Variants in ABCB1 observed in about 807,000 individuals in gnomAD.
The protein encoded by ABCB1 is ATP binding cassette subfamily B member 1.
A neutral mutation model predicts 142.0 loss-of-function variants in ABCB1; 69 were observed. The observed-to-expected ratio is 0.49, with a 90% confidence interval of 0.40 to 0.59. The LOEUF (loss-of-function observed/expected upper bound fraction) is 0.59. Ranked by LOEUF, ABCB1 falls within the 20% of genes least tolerant of loss-of-function variation. The pLI is 0.00. For missense variants in ABCB1, 1,326 were observed against 1,554.7 expected (o/e 0.85, Z 2.47); for synonymous variants, 532 against 539.2 (o/e 0.99, Z 0.18).
chr7:87,622,408 A>T (rs912879896), intron 1 of ABCB1, among the ~76,000 whole-genome samples: 6 of 152,224 alleles, frequency 3.9e-5, no homozygotes, highest in Non-Finnish European at 7.3e-5. Context: ...GCAGAAAAAT[A>T]AAAAGAACAA....
In ABCB1 at chr7:87,560,043, C is replaced by T. The variant is rs138590669; in HGVS notation, c.827+1220G>A. The stretch of plus-strand genomic sequence containing the variant: ...CCTCATGATTCTCTTATTTTATTTC[C>T]CCAAATAATATTTACCCCAACTGGT... On this transcript the variant is annotated intron_variant, in intron 8 of 27. Transcript: ENST00000622132. Among the ~76,000 whole-genome samples the T allele has an allele frequency of 1.5e-3, 229 of 152,086 alleles. 1 individual carries two copies. Among genetic ancestry groups the T allele is most frequent in the East Asian group, 5.8e-3 (30 of 5,182 alleles).
chr7:87,565,635 T>A (rs1368860228), intron 7 of ABCB1, among the ~76,000 whole-genome samples: 2 of 149,092 alleles, frequency 1.3e-5, no homozygotes, highest in African/African-American at 5.1e-5. Context: ...CCAAAAACAT[T>A]AAAGTAAAAA....
chr7:87,551,572 A>C (rs1348342565), intron 9 of ABCB1, among the ~76,000 whole-genome samples: 1 of 152,166 alleles, frequency 6.6e-6, no homozygotes, highest in Non-Finnish European at 1.5e-5. Flanking sequence ...GCTCACTGCA[A>C]CTTCAACCTC....
intron 1 of ABCB1, among the ~76,000 whole-genome samples, chr7:87,623,701 T>C (rs1179274897): frequency 6.6e-6 from 1 of 152,204 alleles, no homozygotes; most frequent in Non-Finnish European, 1.5e-5. Flanking sequence ...ATGGACTTTT[T>C]TTTTTTAAAG....
At chr7:87,533,869 C>T (rs1816169280) in intron 20 of ABCB1, among the ~76,000 whole-genome samples, 1 of 152,170 alleles carries the variant, frequency 6.6e-6, no homozygotes, top group Non-Finnish European at 1.5e-5. Flanking sequence ...CTTCCCTGGT[C>T]TTTCCTTTTT....
chr7:87,688,140 A>T (rs1382377341), intron 1 of ABCB1, among the ~76,000 whole-genome samples: 1 of 152,158 alleles, frequency 6.6e-6, no homozygotes, highest in Non-Finnish European at 1.5e-5. Context: ...TAAGTTATGT[A>T]CTTGGAAATT....
At chr7:87,623,346 C>T (rs1820294366) in intron 1 of ABCB1, among the ~76,000 whole-genome samples, 1 of 152,186 alleles carries the variant, frequency 6.6e-6, no homozygotes, top group African/African-American at 2.4e-5. Context: ...TATTTGCCCT[C>T]CTCAAAGAAA....
At position 87,507,041 on chromosome 7, in the gene ABCB1, A is replaced by G. The variant is rs373052880; in HGVS notation, c.3490-998T>C. Among the ~76,000 whole-genome samples, 41 of 152,296 alleles carry G rather than the reference A, an allele frequency of 2.7e-4. No individual in the cohort carries two copies. The South Asian group carries it at 8.1e-3, about 30-fold the overall frequency. ...TAGTACTGATCCTGTTGAGGCAGAT[A>G]AAGGCAGTGCGGCAGTCTTACAAGG... On this transcript the variant is annotated intron_variant, in intron 26 of 27. Coordinates refer to ENST00000622132, the MANE Select transcript of ABCB1 (RefSeq NM_001348946.2).
At chr7:87,661,227 C>T (rs1022839157) in intron 1 of ABCB1, among the ~76,000 whole-genome samples, 1 of 151,736 alleles carries the variant, frequency 6.6e-6, no homozygotes, top group Non-Finnish European at 1.5e-5. Context: ...ATAAGGTATC[C>T]ATCACTTCAA....
At chr7:87,683,025 C>T (rs1028360154) in intron 1 of ABCB1, among the ~76,000 whole-genome samples, 14 of 152,208 alleles carry the variant, frequency 9.2e-5, no homozygotes, top group African/African-American at 3.4e-4. Flanking sequence ...ACTTCTCCAT[C>T]AGCACTTGCT....
intron 1 of ABCB1, among the ~76,000 whole-genome samples, chr7:87,681,790 C>T (rs1374242272): frequency 6.6e-6 from 1 of 152,164 alleles, no homozygotes; most frequent in East Asian, 1.9e-4. Flanking sequence ...GCAGGAGGAT[C>T]ACTTGAGTTC....
chr7:87,570,149 T>C (rs1288591560), intron 5 of ABCB1, 23 bp downstream of exon 5: 1 of 1,604,826 alleles, frequency 6.2e-7, no homozygotes, highest in East Asian at 2.2e-5. Flanking sequence ...AACTTAACAA[T>C]AGTAAGGAGA....
In ABCB1 at chr7:87,531,358, A is replaced by G. The variant is rs565619660; in HGVS notation, c.2621T>C (p.Val874Ala). 1 of 1,613,496 alleles carries G rather than the reference A, an allele frequency of 6.2e-7. No homozygotes were observed. The highest frequency in any genetic ancestry group is 1.3e-5 in the African/African-American group (1 of 74,998). Residue 874 changes from valine (V) to alanine (A), a missense_variant, in exon 21 of 28, where the codon GTT (valine) becomes GCT (alanine). Physicochemically the swap from Val to Ala is moderately conservative, Grantham distance 64. Transcript: ENST00000622132. ...TTGTCCAGACAACATTTTCATTTCA[A>G]CAACTCCTGCTATTGCAATGATGGG... is the stretch of plus-strand genomic sequence containing the variant. ...IVPIIAIAGV[V>A]EMKMLSGQAL...
chr7:87,532,946 A>C (rs1368807820), intron 20 of ABCB1, among the ~76,000 whole-genome samples: 1 of 152,156 alleles, frequency 6.6e-6, no homozygotes, highest in African/African-American at 2.4e-5. Flanking sequence ...TATAAACACC[A>C]GACTAGTATT....
In ABCB1 at chr7:87,531,306, T is replaced by C. The variant is rs1376045059; in HGVS notation, c.2673A>G (p.Glu891=). 1.9e-6 allele frequency: 3 copies of C among 1,612,852 alleles called. No individual in the cohort carries two copies. The African/African-American group carries it at 4.0e-5, about 22-fold the overall frequency. The part of the protein sequence containing the change: ...GQALKDKKEL[E]GSGKIATEAI... ...TAGTTTGACTCACCTTCCCAGAACC[T>C]TCTAGTTCTTTCTTATCTTTCAGTG... is the stretch of plus-strand genomic sequence containing the variant. The change falls in exon 21 of 28, where the codon GAA becomes GAG. Residue 891 remains glutamate, a synonymous_variant. Transcript: ENST00000622132.
chr7:87,544,716 G>T, intron 16 of ABCB1, 107 bp downstream of exon 16: 1 of 1,095,752 alleles, frequency 9.1e-7, no homozygotes, highest in Middle Eastern at 2.0e-4. Context: ...AGGACAGGAG[G>T]ATTCTGGATA....
At chr7:87,650,748 C>G in intron 1 of ABCB1, 1 of 845,258 alleles carries the variant, frequency 1.2e-6, no homozygotes, top group Non-Finnish European at 2.0e-6. Flanking sequence ...CCCAAATTGC[C>G]TTCCTCCCAT....
intron 1 of ABCB1, among the ~76,000 whole-genome samples, chr7:87,679,678 C>G (rs1200482968): frequency 6.6e-6 from 1 of 150,486 alleles, no homozygotes; most frequent in African/African-American, 2.5e-5. Context: ...GTGTGAACCA[C>G]TGTGCCTGGC....
chr7:87,516,692 G>A (rs368418338), intron 23 of ABCB1, 27 bp from the exon 24 acceptor site: 67 of 1,587,156 alleles, frequency 4.2e-5, no homozygotes, highest in Middle Eastern at 1.7e-4. Flanking sequence ...CAAAACATGT[G>A]CACAGCATTA....
Sources: gnomAD v4.1 joint callset for allele counts (sites outside exome capture counted in the v4.1 genomes callset) on GRCh38, gnomAD v4.1.1 for gene constraint, MANE v1.5 for transcripts, NCBI Gene and HGNC (gene_info 2026-07-23, HGNC 2026-07-21) for gene names.